TRAPPC9: variants seen among roughly 807,000 people sequenced by gnomAD.
The protein encoded by TRAPPC9 is trafficking protein particle complex subunit 9.
A neutral mutation model predicts 124.0 loss-of-function variants in TRAPPC9; 83 were observed. The ratio of observed to expected loss-of-function variants is 0.67; its 90% CI spans 0.56 to 0.80. TRAPPC9 has a LOEUF of 0.80. TRAPPC9 is among the 30% of genes least tolerant of loss of function. The pLI is 0.00. For synonymous variants in TRAPPC9, 638 were observed against 617.5 expected (o/e 1.03, Z -0.49); for missense variants, 1,302 against 1,508.3 (o/e 0.86, Z 2.27).
At chr8:140,181,679 C>G (rs1340312772) in intron 17 of TRAPPC9, among the ~76,000 whole-genome samples, 2 of 152,116 alleles carry the variant, frequency 1.3e-5, no homozygotes, top group Admixed American at 1.3e-4. Context: ...TTTATTTCTT[C>G]TAATACCATT....
chr8:140,280,414 TTTTTGTTTTG>T (rs577369380), intron 14 of TRAPPC9, among the ~76,000 whole-genome samples: 1 of 152,144 alleles, frequency 6.6e-6, no homozygotes. Context: ...ACCTATTGTT[TTTTTGTTTTG>T]TTTTGTTTTG....
At chr8:139,760,127 G>C (rs1820121761) in intron 21 of TRAPPC9, among the ~76,000 whole-genome samples, 1 of 152,226 alleles carries the variant, frequency 6.6e-6, no homozygotes, top group East Asian at 1.9e-4. Flanking sequence ...GTGGAGCGTA[G>C]TGTATATGAC....
intron 21 of TRAPPC9, among the ~76,000 whole-genome samples, chr8:139,841,327 A>G (rs1826717415): frequency 6.6e-6 from 1 of 152,162 alleles, no homozygotes; most frequent in African/African-American, 2.4e-5. Context: ...GTAAGGTACC[A>G]TATTTGCAGG....
intron 17 of TRAPPC9, among the ~76,000 whole-genome samples, chr8:140,045,021 G>C (rs1297516754): frequency 6.6e-6 from 1 of 152,184 alleles, no homozygotes; most frequent in African/African-American, 2.4e-5. Flanking sequence ...ATAAGATGCA[G>C]AATGAAGGCA....
At chr8:139,780,035 G>C (rs147774676) in intron 21 of TRAPPC9, among the ~76,000 whole-genome samples, 1 of 152,182 alleles carries the variant, frequency 6.6e-6, no homozygotes, top group East Asian at 1.9e-4. Flanking sequence ...AATAAATGAA[G>C]AACTATTCTA....
intron 13 of TRAPPC9, among the ~76,000 whole-genome samples, chr8:140,286,484 C>T (rs960653139): frequency 3.3e-5 from 5 of 152,096 alleles, no homozygotes; most frequent in Admixed American, 2.0e-4. Context: ...TTGTGACAAA[C>T]CCTAGAAGAG....
chr8:139,746,826 A>G (rs1012281462), intron 21 of TRAPPC9, among the ~76,000 whole-genome samples: 1 of 152,220 alleles, frequency 6.6e-6, no homozygotes. Flanking sequence ...TTGGGCATCC[A>G]TGGCAGACAG....
chr8:139,747,555 G>A (rs1282290491), intron 21 of TRAPPC9, among the ~76,000 whole-genome samples: 25 of 87,160 alleles, frequency 2.9e-4, no homozygotes, highest in East Asian at 8.0e-4. Flanking sequence ...TAGGGGGGGC[G>A]TACAGGGGTC....
At chr8:140,234,826 T>C (rs1026175365) in intron 16 of TRAPPC9, among the ~76,000 whole-genome samples, 2 of 152,222 alleles carry the variant, frequency 1.3e-5, no homozygotes, top group African/African-American at 4.8e-5. Flanking sequence ...TTCATAGGCC[T>C]AAATGCAAAA....
chr8:139,995,862 A>T (rs983789333), intron 18 of TRAPPC9, among the ~76,000 whole-genome samples: 42 of 97,782 alleles, frequency 4.3e-4, no homozygotes, highest in African/African-American at 3.0e-3. Flanking sequence ...ACTCTGCATT[A>T]AAAAAAAAAA....
At chr8:140,046,125 G>A (rs543700214) in intron 17 of TRAPPC9, among the ~76,000 whole-genome samples, 1 of 152,286 alleles carries the variant, frequency 6.6e-6, no homozygotes, top group African/African-American at 2.4e-5. Flanking sequence ...TCTTGCCCAA[G>A]GAGACTGGCG....
intron 17 of TRAPPC9, among the ~76,000 whole-genome samples, chr8:140,192,041 T>G (rs1267209378): frequency 6.6e-6 from 1 of 152,040 alleles, no homozygotes; most frequent in Non-Finnish European, 1.5e-5. Context: ...TAGCAAAAAT[T>G]TGAAAAAATA....
chr8:139,797,973 C>G (rs1354243871), intron 21 of TRAPPC9, among the ~76,000 whole-genome samples: 2 of 152,158 alleles, frequency 1.3e-5, no homozygotes, highest in African/African-American at 4.8e-5. Flanking sequence ...ATTATTTTTG[C>G]TATTCTGAGT....
chr8:139,981,339 C>T (rs1177994916), intron 19 of TRAPPC9, among the ~76,000 whole-genome samples: 2 of 152,198 alleles, frequency 1.3e-5, no homozygotes, highest in Admixed American at 6.5e-5. Context: ...GAGGGCACAT[C>T]AGGATGCTTT....
chr8:140,300,734 AG>A, intron 10 of TRAPPC9, 120 bp from the exon 11 acceptor site: 1 of 1,253,412 alleles, frequency 8.0e-7, no homozygotes, highest in Non-Finnish European at 1.2e-6. Context: ...AGATAAATGG[AG>A]GGAGGAAAAG....
intron 21 of TRAPPC9, among the ~76,000 whole-genome samples, chr8:139,802,757 T>C (rs1563825220): frequency 6.6e-6 from 1 of 152,182 alleles, no homozygotes; most frequent in Non-Finnish European, 1.5e-5. Context: ...TGACTGTCAG[T>C]GCCTCTAGGC....
intron 16 of TRAPPC9, among the ~76,000 whole-genome samples, chr8:140,248,498 T>TATTAGA (rs1156501202): frequency 6.6e-6 from 1 of 152,246 alleles, no homozygotes; most frequent in Non-Finnish European, 1.5e-5. Flanking sequence ...ACCGTGTTGT[T>TATTAGA]ATTAGTGGTT....
intron 17 of TRAPPC9, among the ~76,000 whole-genome samples, chr8:140,044,362 A>G (rs1300772173): frequency 6.6e-6 from 1 of 151,746 alleles, no homozygotes; most frequent in Non-Finnish European, 1.5e-5. Context: ...ACCTCTGGCC[A>G]CTGTTCCCCT....
chr8:140,258,469 C>T (rs1024723415), intron 15 of TRAPPC9, among the ~76,000 whole-genome samples: 3 of 152,198 alleles, frequency 2.0e-5, no homozygotes, highest in Non-Finnish European at 4.4e-5. Flanking sequence ...TCTGGAAACA[C>T]AATTAAACTT....
Sources: allele counts gnomAD v4.1 joint callset (sites outside exome capture counted in the v4.1 genomes callset), GRCh38; gene constraint gnomAD v4.1.1; transcripts MANE v1.5; gene names NCBI Gene and HGNC (gene_info 2026-07-23, HGNC 2026-07-21).